LIN54: variants seen among roughly 807,000 people sequenced by gnomAD.
LIN54 encodes lin-54 DREAM MuvB core complex component, also known as protein lin-54 homolog.
LIN54 carries 9 observed loss-of-function variants against 78.7 expected under a neutral mutation model. The observed-to-expected ratio is 0.11, with a 90% CI of 0.07 to 0.20. The LOEUF (loss-of-function observed/expected upper bound fraction) is 0.20. LIN54 is among the 10% of genes least tolerant of loss of function. The pLI is 1.00. For synonymous variants in LIN54, 269 were observed against 318.4 expected (o/e 0.84, Z 1.65); for missense variants, 573 against 889.9 (o/e 0.64, Z 4.53).
Position 82,925,558 on chromosome 4 carries a change from C to T in LIN54, c.*2544G>A, listed in dbSNP as rs1170536783. ...GAGAAGACATATTCTCATTTCAAAG[C>T]AATTTATGTTAGTAATAACTGAGCA... On this transcript the variant is annotated 3_prime_UTR_variant, in exon 13 of 13. Coordinates refer to ENST00000340417, the MANE Select transcript of LIN54 (RefSeq NM_194282.4). 1 of 152,542 alleles carries T rather than the reference C, an allele frequency of 6.6e-6. No individual in the cohort carries two copies. Among genetic ancestry groups the T allele is most frequent in the Non-Finnish European group, 1.5e-5 (1 of 68,022 alleles). The allele number at this position is 152,542 out of a possible 1,614,324, so 9.4% of individuals were successfully genotyped here.
In LIN54 at chr4:82,924,772, A is replaced by G. The variant is rs1560704379; in HGVS notation, c.*3330T>C. 6.6e-6 allele frequency: 1 copy of G among 152,254 alleles called. No homozygotes were observed. Among genetic ancestry groups the G allele is most frequent in the East Asian group, 1.9e-4 (1 of 5,192 alleles). 9.4% of individuals were successfully genotyped at this position (152,254 alleles called of 1,614,324 possible). ...TGAAGTAATTTACATGATGAAAATA[A>G]CTCCAATAGAAAGGGATTTTTAGTT... On this transcript the variant is annotated 3_prime_UTR_variant, in exon 13 of 13. Coordinates refer to ENST00000340417, the MANE Select transcript of LIN54 (RefSeq NM_194282.4).
chr4:83,003,968 T>G (rs1729077764), intron 1 of LIN54, among the ~76,000 whole-genome samples: 1 of 152,084 alleles, frequency 6.6e-6, no homozygotes, highest in Non-Finnish European at 1.5e-5. Context: ...AGGCACAAAA[T>G]GGACTTATAA....
intron 9 of LIN54, among the ~76,000 whole-genome samples, chr4:82,936,594 G>A (rs1270425751): frequency 1.3e-5 from 2 of 152,038 alleles, no homozygotes; most frequent in African/African-American, 2.4e-5. Context: ...CTAGAAATGT[G>A]GCCTAAAAAC....
At chr4:83,008,729 A>G (rs1411641133) in intron 1 of LIN54, among the ~76,000 whole-genome samples, 3 of 152,156 alleles carry the variant, frequency 2.0e-5, no homozygotes, top group African/African-American at 7.2e-5. Context: ...CAAAAAATGA[A>G]CACTGGACTA....
At chr4:82,987,448 C>T (rs7687684) in intron 1 of LIN54, among the ~76,000 whole-genome samples, 1 of 151,964 alleles carries the variant, frequency 6.6e-6, no homozygotes, top group Admixed American at 6.6e-5. Context: ...ATGTGCAGAA[C>T]ATGCAGGTTT....
chr4:82,995,487 C>T (rs867170229), intron 1 of LIN54, among the ~76,000 whole-genome samples: 778 of 72,192 alleles, frequency 0.011, 11 homozygotes, highest in Middle Eastern at 0.027. Flanking sequence ...ACATCCTTAT[C>T]TCTTTTTTTT....
At chr4:82,976,450 C>G (rs1726168116) in intron 3 of LIN54, among the ~76,000 whole-genome samples, 1 of 152,006 alleles carries the variant, frequency 6.6e-6, no homozygotes, top group South Asian at 2.1e-4. Context: ...TGGCTCATGC[C>G]TGTAGTCCCA....
intron 4 of LIN54, among the ~76,000 whole-genome samples, chr4:82,963,677 C>A (rs541096425): frequency 3.1e-3 from 43 of 13,690 alleles, no homozygotes; most frequent in South Asian, 0.028. Context: ...TGTAGAGCAA[C>A]CACTAAAAAA....
chr4:82,932,164 A>G (rs1057254669), intron 11 of LIN54, among the ~76,000 whole-genome samples: 15 of 138,704 alleles, frequency 1.1e-4, no homozygotes, highest in African/African-American at 1.1e-4. Context: ...GCGCGATCTC[A>G]GCTCACTGCA....
intron 1 of LIN54, among the ~76,000 whole-genome samples, chr4:83,005,521 A>G (rs555650968): frequency 9.2e-5 from 14 of 151,782 alleles, no homozygotes; most frequent in East Asian, 5.8e-4. Flanking sequence ...CCCAGTTAGG[A>G]GGCTGAGCTA....
intron 3 of LIN54, among the ~76,000 whole-genome samples, chr4:82,974,972 T>C (rs896092085): frequency 1.3e-5 from 2 of 152,098 alleles, no homozygotes; most frequent in Non-Finnish European, 2.9e-5. Flanking sequence ...GATTTCAGTT[T>C]TGCAAAAAGA....
At position 82,925,851 on chromosome 4, in the gene LIN54, G is replaced by A. The variant is rs1047264714; in HGVS notation, c.*2251C>T. On this transcript the variant is annotated 3_prime_UTR_variant, in exon 13 of 13. Coordinates refer to ENST00000340417, the MANE Select transcript of LIN54 (RefSeq NM_194282.4). ...ATCTTTCTACTTTGGGATGTAAATA[G>A]AGCTAAAAAATTATATACCCAACCC... 1 of 152,496 alleles carries A rather than the reference G, an allele frequency of 6.6e-6. No individual in the cohort carries two copies. Among genetic ancestry groups the A allele is most frequent in the Non-Finnish European group, 1.5e-5 (1 of 67,990 alleles). 9.4% of individuals were successfully genotyped at this position (152,496 alleles called of 1,614,324 possible).
chr4:82,938,159 A>G, intron 8 of LIN54, among the ~76,000 whole-genome samples: 1 of 152,196 alleles, frequency 6.6e-6, no homozygotes, highest in Non-Finnish European at 1.5e-5. Context: ...TAGCATCATC[A>G]TTTTGGAAAC....
chr4:83,008,441 G>A (rs999802247), intron 1 of LIN54, among the ~76,000 whole-genome samples: 3 of 152,192 alleles, frequency 2.0e-5, no homozygotes, highest in African/African-American at 7.2e-5. Flanking sequence ...ACGAGGTCAG[G>A]AGATGGAGAC....
chr4:83,001,520 A>G (rs567185468), intron 1 of LIN54, among the ~76,000 whole-genome samples: 3 of 152,082 alleles, frequency 2.0e-5, no homozygotes, highest in Admixed American at 1.3e-4. Context: ...ACCGCACTCC[A>G]GCCTGAGCAG....
At chr4:82,996,714 T>C (rs926830676) in intron 1 of LIN54, among the ~76,000 whole-genome samples, 1 of 152,012 alleles carries the variant, frequency 6.6e-6, no homozygotes, top group African/African-American at 2.4e-5. Flanking sequence ...TCTTCCAATA[T>C]TTTTAGTTCA....
intron 1 of LIN54, among the ~76,000 whole-genome samples, chr4:82,997,496 G>A (rs1728319222): frequency 6.6e-6 from 1 of 151,976 alleles, no homozygotes; most frequent in Non-Finnish European, 1.5e-5. Context: ...TAACTTTGAG[G>A]AGGGGATTAT....
At chr4:82,982,912 T>C (rs1726788883) in intron 2 of LIN54, among the ~76,000 whole-genome samples, 1 of 152,162 alleles carries the variant, frequency 6.6e-6, no homozygotes, top group African/African-American at 2.4e-5. Flanking sequence ...TTCCTTCTTA[T>C]GCATTTCCTA....
At position 82,925,968 on chromosome 4, in the gene LIN54, TAGTA is replaced by T. The variant is rs1721436097; in HGVS notation, c.*2130_*2133del. ...AAATGCCTGAATACAAAAAGTTATTTAGTAAGTACTACACAGGAAGGAAAAGGCT... is the reference window on the plus strand; with the variant it reads ...AAATGCCTGAATACAAAAAGTTATTTAGTACTACACAGGAAGGAAAAGGCT... On this transcript the variant is annotated 3_prime_UTR_variant, in exon 13 of 13. Transcript: ENST00000340417. The T allele has an allele frequency of 6.6e-6, 1 of 152,648 alleles. No individual in the cohort carries two copies. The highest frequency in any genetic ancestry group is 6.5e-5 in the Admixed American group (1 of 15,282). 9.5% of individuals were successfully genotyped at this position (152,648 alleles called of 1,614,324 possible). A position where few individuals can be genotyped will look rare whatever the true frequency, so the allele number is the denominator to read the frequency against.
Sources: gnomAD v4.1 joint callset for allele counts (sites outside exome capture counted in the v4.1 genomes callset) on GRCh38, gnomAD v4.1.1 for gene constraint, MANE v1.5 for transcripts, NCBI Gene and HGNC (gene_info 2026-07-23, HGNC 2026-07-21) for gene names.